The following WDR1 variants were observed in gnomAD, a reference collection of about 807,000 sequenced individuals.
The protein encoded by WDR1 is WD repeat-containing protein 1.
A neutral mutation model predicts 71.9 loss-of-function variants in WDR1; 21 were observed. The ratio of observed to expected loss-of-function variants is 0.29; its 90% CI spans 0.21 to 0.42. The LOEUF (loss-of-function observed/expected upper bound fraction) is 0.42, where lower values mean the gene tolerates loss of function less well. WDR1 is among the 10% of genes least tolerant of loss of function. The pLI is 1.00. For synonymous variants in WDR1, 424 were observed against 347.4 expected, an observed-to-expected ratio of 1.22 and a Z score of -2.45; for missense variants, 696 against 824.5, an observed-to-expected ratio of 0.84 and a Z score of 1.91.
chr4:10,116,038 G>A (rs935909857), intron 2 of WDR1, 75 bp downstream of exon 2: 5 of 1,556,882 alleles, frequency 3.2e-6, no homozygotes, highest in East Asian at 4.7e-5. Context: ...GAGGTGAGAA[G>A]TGGAGAGGAA....
At chr4:10,078,304 C>A (rs1186515662) in intron 12 of WDR1, among the ~76,000 whole-genome samples, 2 of 152,188 alleles carry the variant, frequency 1.3e-5, no homozygotes, top group South Asian at 4.1e-4. Flanking sequence ...GGGCTGCCCT[C>A]CTGGGCTGGA....
At chr4:10,090,509 A>G (rs886982849) in intron 5 of WDR1, among the ~76,000 whole-genome samples, 4 of 152,350 alleles carry the variant, frequency 2.6e-5, no homozygotes, top group African/African-American at 9.6e-5. Context: ...TCTAGGCCCA[A>G]GAGTGATGCG....
chr4:10,084,384 C>G, intron 9 of WDR1, 59 bp downstream of exon 9: 1 of 1,525,284 alleles, frequency 6.6e-7, no homozygotes, highest in Non-Finnish European at 9.0e-7. Context: ...ATCATGGGAA[C>G]AGGAAATTCC....
At chr4:10,100,894 A>C (rs1360958566) in intron 3 of WDR1, among the ~76,000 whole-genome samples, 1 of 152,240 alleles carries the variant, frequency 6.6e-6, no homozygotes, top group Non-Finnish European at 1.5e-5. Context: ...ACACATGTCC[A>C]CACATGCACA....
chr4:10,084,412 T>G, intron 9 of WDR1, 31 bp downstream of exon 9: 1 of 1,603,550 alleles, frequency 6.2e-7, no homozygotes, highest in Admixed American at 1.7e-5. Flanking sequence ...AGCCAGCGGC[T>G]CCGGAGCCAG....
chr4:10,088,455 A>G (rs77236315), intron 6 of WDR1, 82 bp from the exon 7 acceptor site: 1 of 1,398,282 alleles, frequency 7.2e-7, no homozygotes, highest in Non-Finnish European at 9.9e-7. Context: ...CTGTGGCTGT[A>G]GAAAACCGGG....
intron 5 of WDR1, among the ~76,000 whole-genome samples, chr4:10,090,976 C>T (rs547085476): frequency 2.0e-5 from 3 of 152,388 alleles, no homozygotes; most frequent in Admixed American, 2.0e-4. Context: ...ACCAGGCTGG[C>T]TCAGTCTGAA....
chr4:10,115,335 T>A (rs976900859), intron 2 of WDR1, among the ~76,000 whole-genome samples: 58 of 152,320 alleles, frequency 3.8e-4, no homozygotes, highest in African/African-American at 1.2e-3. Context: ...TTGCAAGGAT[T>A]TCCCAAGGAG....
Position 10,093,080 on chromosome 4 carries a change from A to AT in WDR1, c.559-4340dup, listed in dbSNP as rs749499234. On this transcript the variant is annotated intron_variant, in intron 5 of 14. Transcript: ENST00000499869. ...CGAGGCTTGAAGCACTGAGGTCATA[A>AT]TTAAGTACCACACCCATGTCAACAT... The AT allele has an allele frequency of 8.5e-6, 11 of 1,289,350 alleles. No homozygotes were observed. The African/African-American group carries it at 1.7e-4, about 20-fold the overall frequency. The allele number at this position is 1,289,350 out of a possible 1,614,324, so 79.9% of individuals were successfully genotyped here.
intron 5 of WDR1, among the ~76,000 whole-genome samples, chr4:10,090,860 G>A (rs1711928989): frequency 6.6e-6 from 1 of 152,274 alleles, no homozygotes; most frequent in Non-Finnish European, 1.5e-5. Flanking sequence ...TGTCCTCCCT[G>A]CCTCATTTCA....
At chr4:10,087,494 AACTT>A (rs1242646634) in intron 8 of WDR1, among the ~76,000 whole-genome samples, 2 of 152,206 alleles carry the variant, frequency 1.3e-5, no homozygotes. Context: ...GCTCAAGGGG[AACTT>A]GGCACCTGGC....
At chr4:10,116,537 G>T in intron 1 of WDR1, 114 bp downstream of exon 1, 1 of 850,324 alleles carries the variant, frequency 1.2e-6, no homozygotes, top group Non-Finnish European at 1.4e-6. Flanking sequence ...GCCGGCGCCC[G>T]CACCCCTCCC....
chr4:10,075,524 C>T, intron 14 of WDR1, 40 bp from the exon 15 acceptor site: 1 of 1,574,226 alleles, frequency 6.4e-7, no homozygotes, highest in Non-Finnish European at 8.7e-7. Context: ...AGCCAAACTT[C>T]TCTGCAACTA....
chr4:10,109,549 C>T (rs762703469), intron 2 of WDR1, among the ~76,000 whole-genome samples: 2 of 152,332 alleles, frequency 1.3e-5, no homozygotes. Flanking sequence ...ACTCACAGGC[C>T]GCCATGCCCT....
Position 10,083,046 on chromosome 4 carries a change from G to A in WDR1, c.1172C>T (p.Thr391Ile), listed in dbSNP as rs2109645428. 2 of 1,613,520 alleles carry A rather than the reference G, an allele frequency of 1.2e-6. No homozygotes were observed. Among genetic ancestry groups the A allele is most frequent in the Non-Finnish European group, 1.7e-6 (2 of 1,179,684 alleles). ...SCSMDDTVRY[T>I]SLMLRDYSGQ... ...CCTGTAGTCCCGCAGCATGAGGCTG[G>A]TGTACCGCACGGTGTCGTCCATGCT... The change falls in exon 10 of 15, where the codon ACC becomes ATC. Residue 391 changes from threonine (T) to isoleucine (I), a missense_variant. Thr to Ile is a moderately conservative substitution (Grantham distance 89). Coordinates refer to ENST00000499869, the MANE Select transcript of WDR1 (RefSeq NM_017491.5).
chr4:10,088,650 A>G lies in WDR1; in HGVS notation c.636+14T>C, dbSNP rs576974911. On this transcript the variant is annotated intron_variant, in intron 6 of 14. Transcript: ENST00000499869. ...CAAGCCATTCCCCACCCCAAAACCCATCCCAGTTCTTACCTGGCCGTCAGC... is the reference window on the plus strand; with the variant it reads ...CAAGCCATTCCCCACCCCAAAACCCGTCCCAGTTCTTACCTGGCCGTCAGC... 2.0e-4 allele frequency: 316 copies of G among 1,594,998 alleles called. 1 individual carries two copies. In the South Asian group the frequency reaches 2.4e-3, roughly 12 times the overall value.
chr4:10,087,258 C>T (rs1160936332), intron 8 of WDR1, among the ~76,000 whole-genome samples: 1 of 152,252 alleles, frequency 6.6e-6, no homozygotes, highest in Non-Finnish European at 1.5e-5. Flanking sequence ...AGGCCCAAGG[C>T]CACCTGCTCT....
At chr4:10,084,676 A>G (rs1046014094) in intron 8 of WDR1, 146 bp from the exon 9 acceptor site, 12 of 734,014 alleles carry the variant, frequency 1.6e-5, no homozygotes, top group Non-Finnish European at 2.1e-5. Context: ...AGGCCCCAGT[A>G]GCCCCAGCTG....
At chr4:10,089,831 T>C (rs946443318) in intron 5 of WDR1, among the ~76,000 whole-genome samples, 1 of 152,206 alleles carries the variant, frequency 6.6e-6, no homozygotes, top group African/African-American at 2.4e-5. Flanking sequence ...CTGCCTGTGT[T>C]TGATTGTGTA....
Sources: allele counts gnomAD v4.1 joint callset (sites outside exome capture counted in the v4.1 genomes callset), GRCh38; gene constraint gnomAD v4.1.1; transcripts MANE v1.5; gene names NCBI Gene and HGNC (gene_info 2026-07-23, HGNC 2026-07-21).